ACOX3: variants seen among roughly 807,000 people sequenced by gnomAD.
The protein encoded by ACOX3 is peroxisomal acyl-coenzyme A oxidase 3.
Under a neutral mutation model 81.5 loss-of-function variants are expected in ACOX3, and 73 were observed. The observed-to-expected ratio is 0.90, with a 90% CI of 0.74 to 1.09. The LOEUF (loss-of-function observed/expected upper bound fraction) is 1.09. Among genes scored for constraint, ACOX3 ranks in the 50% least tolerant of loss-of-function variants. ACOX3 has a pLI of 0.00. For missense variants in ACOX3, 947 were observed against 928.0 expected (o/e 1.02, Z -0.27); for synonymous variants, 387 against 375.1 (o/e 1.03, Z -0.37).
intron 14 of ACOX3, among the ~76,000 whole-genome samples, chr4:8,375,829 G>A (rs1467277413): frequency 6.6e-6 from 1 of 152,240 alleles, no homozygotes; most frequent in African/African-American, 2.4e-5. Flanking sequence ...CATCCATGTT[G>A]CTGCAAAAGA....
chr4:8,391,989 T>G (rs1449453486), intron 11 of ACOX3, among the ~76,000 whole-genome samples: 1 of 152,262 alleles, frequency 6.6e-6, no homozygotes, highest in South Asian at 2.1e-4. Flanking sequence ...CTGCCTATAT[T>G]TTGGCCAAGA....
chr4:8,375,019 G>A lies in ACOX3; in HGVS notation c.1787C>T (p.Ala596Val), dbSNP rs374276506. 1.9e-5 allele frequency: 30 copies of A among 1,553,390 alleles called. No homozygotes were observed. In the African/African-American group the frequency reaches 3.9e-4, roughly 20 times the overall value. ...CGCGTGGCGGCTCAGGGACCACAGG[G>A]CGTACAGAGCACTGAGCCGCCCCAG... is the stretch of plus-strand genomic sequence containing the variant. ...AVLGRLSALY[A>V]LWSLSRHAAL... The change falls in exon 15 of 18, where the codon GCC becomes GTC. Residue 596 changes from alanine to valine, a missense_variant. Physicochemically the swap from Ala to Val is moderately conservative, Grantham distance 64. Transcript: ENST00000356406.
At chr4:8,374,772 A>G (rs555807683) in intron 15 of ACOX3, 5 of 492,220 alleles carry the variant, frequency 1.0e-5, no homozygotes, top group African/African-American at 3.9e-5. Context: ...TGAAAGAAAA[A>G]TTGGGTTTCT....
At chr4:8,387,027 G>A (rs867374924) in intron 13 of ACOX3, among the ~76,000 whole-genome samples, 1 of 152,220 alleles carries the variant, frequency 6.6e-6, no homozygotes, top group Non-Finnish European at 1.5e-5. Flanking sequence ...AGAACCCCAG[G>A]GAAGCCTCAC....
At chr4:8,424,603 A>G (rs548595766) in intron 1 of ACOX3, among the ~76,000 whole-genome samples, 1 of 152,340 alleles carries the variant, frequency 6.6e-6, no homozygotes, top group Admixed American at 6.5e-5. Context: ...CGGCATACTC[A>G]CTGCTAAAGG....
intron 7 of ACOX3, among the ~76,000 whole-genome samples, chr4:8,404,830 C>A (rs553099447): frequency 2.0e-5 from 3 of 152,196 alleles, no homozygotes; most frequent in Non-Finnish European, 4.4e-5. Flanking sequence ...ATCTTTCAGG[C>A]TATCAGGCTC....
intron 17 of ACOX3, 84 bp from the exon 18 acceptor site, chr4:8,367,164 T>C (rs561285774): frequency 5.9e-6 from 9 of 1,537,008 alleles, no homozygotes; most frequent in Non-Finnish European, 7.1e-6. Context: ...CAAATGCAAC[T>C]CCTCAAAGTT....
intron 14 of ACOX3, 26 bp from the exon 15 acceptor site, chr4:8,375,178 G>A (rs1381935003): frequency 6.6e-7 from 1 of 1,510,480 alleles, no homozygotes; most frequent in South Asian, 1.2e-5. Context: ...GCACCGTGAG[G>A]ACCGTGAGGG....
intron 15 of ACOX3, 51 bp downstream of exon 15, chr4:8,374,927 C>G (rs374414224): frequency 1.4e-6 from 2 of 1,454,016 alleles, no homozygotes; most frequent in Admixed American, 2.7e-5. Context: ...AGATACAACA[C>G]GGGGGCCCTG....
intron 5 of ACOX3, among the ~76,000 whole-genome samples, chr4:8,410,919 T>C (rs1721652271): frequency 6.6e-6 from 1 of 152,246 alleles, no homozygotes; most frequent in Non-Finnish European, 1.5e-5. Context: ...AACTAGCAGA[T>C]GGGCTGTGGC....
In ACOX3 at chr4:8,402,781, G is replaced by A. The variant is rs140977535; in HGVS notation, c.777-3129C>T. Among the ~76,000 whole-genome samples, 212 of 152,330 alleles carry A rather than the reference G, an allele frequency of 1.4e-3. 3 individuals carry two copies. The highest frequency in any genetic ancestry group is 4.5e-3 in the African/African-American group (189 of 41,572). Reference sequence around the variant, plus strand: ...TGTGTGTGTGTCACTGGACATGCACGTGGCACGGGAGGCCTGAGTGTGGCA... The same window carrying A: ...TGTGTGTGTGTCACTGGACATGCACATGGCACGGGAGGCCTGAGTGTGGCA... On this transcript the variant is annotated intron_variant, in intron 7 of 17. Transcript: ENST00000356406.
chr4:8,373,847 C>G, intron 15 of ACOX3: 1 of 588,848 alleles, frequency 1.7e-6, no homozygotes, highest in East Asian at 2.8e-5. Flanking sequence ...CATTGATGGT[C>G]TCTGGCCCGC....
At chr4:8,372,854 C>T (rs1484538724) in intron 16 of ACOX3, among the ~76,000 whole-genome samples, 1 of 152,204 alleles carries the variant, frequency 6.6e-6, no homozygotes, top group Non-Finnish European at 1.5e-5. Context: ...GACACAGTGG[C>T]CCTGCCCACC....
Position 8,432,448 on chromosome 4 carries a change from T to C in ACOX3, c.-15+8200A>G, listed in dbSNP as rs1724011052. 6.6e-6 allele frequency among the ~76,000 whole-genome samples: 1 copy of C among 152,058 alleles called. No homozygotes were observed. The highest frequency in any genetic ancestry group is 2.4e-5 in the African/African-American group (1 of 41,408). ...CAGGTTTTCACTGTGTTAGCCAGGATAGTCTCGATCTCCTGACCTTGTGAT... is the reference window on the plus strand; with the variant it reads ...CAGGTTTTCACTGTGTTAGCCAGGACAGTCTCGATCTCCTGACCTTGTGAT... On this transcript the variant is annotated intron_variant, in intron 1 of 17. Transcript: ENST00000356406. The surrounding 1 kb of genome is among the most constrained non-coding windows in gnomAD (Gnocchi z 6.2).
chr4:8,410,482 G>T, intron 5 of ACOX3, 127 bp from the exon 6 acceptor site: 2 of 1,253,528 alleles, frequency 1.6e-6, no homozygotes, highest in Non-Finnish European at 2.2e-6. Context: ...GAAACTAATC[G>T]CACATTTTAG....
downstream of ACOX3, among the ~76,000 whole-genome samples, chr4:8,365,322 GA>G (rs1415204778): frequency 2.6e-5 from 4 of 152,264 alleles, no homozygotes; most frequent in African/African-American, 9.6e-5. Flanking sequence ...CTGAAAGCAG[GA>G]AGAGTATCAT....
chr4:8,379,939 G>A (rs1405016910), intron 14 of ACOX3, among the ~76,000 whole-genome samples: 1 of 151,836 alleles, frequency 6.6e-6, no homozygotes, highest in African/African-American at 2.4e-5. Context: ...ACATGAGCCA[G>A]TGCAGCAGCC....
At chr4:8,376,134 C>T (rs182769988) in intron 14 of ACOX3, among the ~76,000 whole-genome samples, 4 of 152,242 alleles carry the variant, frequency 2.6e-5, no homozygotes, top group Admixed American at 6.5e-5. Flanking sequence ...TCCCACCAAC[C>T]GTGTATCTGT....
At chr4:8,378,390 C>T (rs1717233040) in intron 14 of ACOX3, among the ~76,000 whole-genome samples, 1 of 152,224 alleles carries the variant, frequency 6.6e-6, no homozygotes, top group South Asian at 2.1e-4. Context: ...CAGCGTGTGG[C>T]TCAGGGAGAA....
Sources: gnomAD v4.1 joint callset for allele counts (sites outside exome capture counted in the v4.1 genomes callset) on GRCh38, gnomAD v4.1.1 for gene constraint, Gnocchi (gnomAD v3.1) non-coding constraint, MANE v1.5 for transcripts, NCBI Gene and HGNC (gene_info 2026-07-23, HGNC 2026-07-21) for gene names.